The following GAD1 variants were observed in gnomAD, a reference collection of about 807,000 sequenced individuals.
GAD1 encodes glutamate decarboxylase 1.
GAD1 carries 35 observed loss-of-function variants against 75.2 expected under a neutral mutation model. That is an observed-to-expected ratio of 0.47 (90% CI 0.36 to 0.62). The LOEUF is 0.62. Among genes scored for constraint, GAD1 ranks in the 20% least tolerant of loss-of-function variants. The probability of loss-of-function intolerance (pLI) is 0.00; values close to 1 mark genes in which losing one functional copy is unlikely to be tolerated. For missense variants in GAD1, 490 were observed against 758.5 expected (o/e 0.65, Z 4.16); for synonymous variants, 257 against 271.9 (o/e 0.95, Z 0.54).
intron 12 of GAD1, among the ~76,000 whole-genome samples, chr2:170,849,647 G>A (rs1031113831): frequency 6.6e-6 from 1 of 152,164 alleles, no homozygotes; most frequent in Non-Finnish European, 1.5e-5. Context: ...CCAAGAGTTC[G>A]AGACCAGCCT....
chr2:170,818,261 T>C lies in GAD1; in HGVS notation c.-63-268T>C. 1 of 226,820 alleles carries C rather than the reference T, an allele frequency of 4.4e-6. No individual in the cohort carries two copies. The highest frequency in any genetic ancestry group is 8.6e-6 in the Non-Finnish European group (1 of 116,438). The allele number at this position is 226,820 out of a possible 1,614,324, so 14.1% of individuals were successfully genotyped here. ...CCCCGACCCCGCCTCGTCTCGGCGCTTCACTCCAGGTCGCGCCGATGCACC... is the reference window on the plus strand; with the variant it reads ...CCCCGACCCCGCCTCGTCTCGGCGCCTCACTCCAGGTCGCGCCGATGCACC... On this transcript the variant is annotated intron_variant, in intron 1 of 16. Transcript: ENST00000358196. This position sits in a 1 kb window ranked among gnomAD's most constrained non-coding sequence, Gnocchi z 5.9.
chr2:170,828,109 T>TCACCCTCCC (rs1702073273), intron 3 of GAD1, among the ~76,000 whole-genome samples: 1 of 127,592 alleles, frequency 7.8e-6, no homozygotes, highest in Non-Finnish European at 1.6e-5. Flanking sequence ...TCTGCTGTCC[T>TCACCCTCCC]CCCTCTGCTG....
In GAD1 at chr2:170,860,225, A is replaced by C. The variant is rs1702936461; in HGVS notation, c.*343A>C. ...TTCAGCAGTTACCGAGGAGCTAAAC[A>C]TGCTGCCAACCAGCTTGTCCAACAA... On this transcript the variant is annotated 3_prime_UTR_variant, in exon 17 of 17. Coordinates refer to ENST00000358196, the MANE Select transcript of GAD1 (RefSeq NM_000817.3). 1 of 231,654 alleles carries C rather than the reference A, an allele frequency of 4.3e-6. No individual in the cohort carries two copies. Among genetic ancestry groups the C allele is most frequent in the Non-Finnish European group, 8.6e-6 (1 of 115,852 alleles). 14.3% of individuals were successfully genotyped at this position (231,654 alleles called of 1,614,324 possible). A position where few individuals can be genotyped will look rare whatever the true frequency, so the allele number is the denominator to read the frequency against.
At chr2:170,848,643 G>C (rs757943198) in intron 11 of GAD1, 1 of 493,778 alleles carries the variant, frequency 2.0e-6, no homozygotes, top group South Asian at 1.4e-5. Context: ...GTGTGACTGG[G>C]TGTATTTTTT....
chr2:170,849,874 C>T (rs530431591), intron 12 of GAD1, among the ~76,000 whole-genome samples: 1 of 152,364 alleles, frequency 6.6e-6, no homozygotes, highest in South Asian at 2.1e-4. Context: ...TCACTTTCCT[C>T]TTCTTCCTCA....
At position 170,831,634 on chromosome 2, in the gene GAD1, G is replaced by GTGTGTGTGTGTGTGTGTA. The variant is rs1165758709; in HGVS notation, c.547+443_547+444insGTGTGTGTGTGTGTGTAT. 2.1e-3 allele frequency among the ~76,000 whole-genome samples: 283 copies of GTGTGTGTGTGTGTGTGTA among 132,056 alleles called. 3 individuals are homozygous for GTGTGTGTGTGTGTGTGTA. Among genetic ancestry groups the GTGTGTGTGTGTGTGTGTA allele is most frequent in the African/African-American group, 7.6e-3 (261 of 34,118 alleles). 86.6% of individuals were successfully genotyped at this position (132,056 alleles called of 152,430 possible). ...TGTGTGTGTGTGTGTGTGTGTGTGT[G>GTGTGTGTGTGTGTGTGTA]TATATACCTATTTTTATATATAAAT... On this transcript the variant is annotated intron_variant, in intron 5 of 16. Coordinates refer to ENST00000358196, the MANE Select transcript of GAD1 (RefSeq NM_000817.3).
rs985951560 is a variant in GAD1 at position 170,831,692 on chromosome 2, ATAAT to A, written c.547+501_547+504del. On this transcript the variant is annotated intron_variant, in intron 5 of 16. Transcript: ENST00000358196. Reference sequence around the variant, plus strand: ...TATAAATATTTAATATAATAAATAAATAATAATTATAAATAATAAAATTTAAAAA... The same window carrying A: ...TATAAATATTTAATATAATAAATAAAAATTATAAATAATAAAATTTAAAAA... Among the ~76,000 whole-genome samples the A allele has an allele frequency of 1.1e-4, 16 of 141,936 alleles. 1 individual carries two copies. The highest frequency in any genetic ancestry group is 4.3e-4 in the African/African-American group (16 of 37,434). 93.1% of individuals were successfully genotyped at this position (141,936 alleles called of 152,430 possible).
At chr2:170,829,323 A>T (rs1702160559) in intron 3 of GAD1, 152 bp from the exon 4 acceptor site, 8 of 837,882 alleles carry the variant, frequency 9.5e-6, no homozygotes, top group Admixed American at 2.1e-5. Context: ...GAAGGCGAGC[A>T]GTGCCAGAGC....
At chr2:170,846,832 C>A (rs888951371) in intron 10 of GAD1, among the ~76,000 whole-genome samples, 4 of 152,096 alleles carry the variant, frequency 2.6e-5, no homozygotes, top group Non-Finnish European at 5.9e-5. Flanking sequence ...ATAGGGTAAC[C>A]CACATCTCTG....
At chr2:170,817,586 C>G (rs1399695488) in intron 1 of GAD1, 2 of 152,328 alleles carry the variant, frequency 1.3e-5, no homozygotes, top group Admixed American at 6.5e-5. Flanking sequence ...ATCTCTCTGT[C>G]CCGGGGCCTT....
In GAD1 at chr2:170,845,782, A is replaced by C; in HGVS notation, c.944A>C (p.Glu315Ala). 1 of 1,613,932 alleles carries C rather than the reference A, an allele frequency of 6.2e-7. No individual in the cohort carries two copies. Among genetic ancestry groups the C allele is most frequent in the South Asian group, 1.1e-5 (1 of 91,064 alleles). ...TDNVILIKCN[E>A]RGKIIPADFE... is the part of the protein sequence containing the mutation. ...AATGTGATTTTGATAAAGTGCAATG[A>C]AAGGTAGGCAGGGGAGGGTGAATAT... Residue 315 changes from glutamate to alanine, a missense_variant, in exon 9 of 17, where the codon GAA becomes GCA. By Grantham distance (107) the Glu-to-Ala change is moderately radical (BLOSUM62 -1). Transcript: ENST00000358196.
chr2:170,852,884 G>C, intron 13 of GAD1, 92 bp downstream of exon 13: 1 of 1,097,400 alleles, frequency 9.1e-7, no homozygotes, highest in Non-Finnish European at 1.4e-6. Flanking sequence ...GTACTTGTTG[G>C]CTGACTCACG....
At chr2:170,851,560 T>C (rs1306426634) in intron 12 of GAD1, among the ~76,000 whole-genome samples, 1 of 152,046 alleles carries the variant, frequency 6.6e-6, no homozygotes, top group Non-Finnish European at 1.5e-5. Context: ...GATGAAGAGG[T>C]TGAAAGTTCA....
At chr2:170,844,407 C>CTTTTTTTTTTTTTTTTTTTTTTTTTT (rs11327360) in intron 7 of GAD1, among the ~76,000 whole-genome samples, 1 of 124,514 alleles carries the variant, frequency 8.0e-6, no homozygotes, top group Non-Finnish European at 1.7e-5. Flanking sequence ...TTTCTTTTTT[C>CTTTTTTTTTTTTTTTTTTTTTTTTTT]TTTTTTTTTT....
At position 170,859,990 on chromosome 2, in the gene GAD1, C is replaced by G; in HGVS notation, c.*108C>G. 2.0e-6 allele frequency: 2 copies of G among 978,784 alleles called. No homozygotes were observed. The allele number at this position is 978,784 out of a possible 1,614,324, so 60.6% of individuals were successfully genotyped here. On this transcript the variant is annotated 3_prime_UTR_variant, in exon 17 of 17. Transcript: ENST00000358196. ...CACAGGCCATTTCATTGAGGGAAAA[C>G]ATAATATCTTGAAGAATATTGTTAA... is the stretch of plus-strand genomic sequence containing the variant.
intron 3 of GAD1, among the ~76,000 whole-genome samples, chr2:170,828,276 T>TTCCCTCTGCCGTCCTCACCCCTCC (rs879567602): frequency 1.2e-5 from 1 of 81,142 alleles, no homozygotes; most frequent in African/African-American, 4.9e-5. Context: ...ACCCCTCCCC[T>TTCCCTCTGCCGTCCTCACCCCTCC]TCCCTCTGCT....
intron 11 of GAD1, chr2:170,848,659 C>A (rs746984415): frequency 4.2e-6 from 2 of 478,674 alleles, no homozygotes; most frequent in Non-Finnish European, 8.2e-6. Context: ...TTTTTTTTTT[C>A]TTTCTCTCTG....
In GAD1 at chr2:170,860,454, G is replaced by A. The variant is rs1702941162; in HGVS notation, c.*572G>A. On this transcript the variant is annotated 3_prime_UTR_variant, in exon 17 of 17. Coordinates refer to ENST00000358196, the MANE Select transcript of GAD1 (RefSeq NM_000817.3). ...AGAGTCATTGTTACAGGTGTACTAT[G>A]GCTGTATTTTTAGAGATTAATTTGT... is the stretch of plus-strand genomic sequence containing the variant. 1 of 154,828 alleles carries A rather than the reference G, an allele frequency of 6.5e-6. No individual in the cohort carries two copies. Among genetic ancestry groups the A allele is most frequent in the Admixed American group, 6.3e-5 (1 of 15,924 alleles). The allele number at this position is 154,828 out of a possible 1,614,324, so 9.6% of individuals were successfully genotyped here.
chr2:170,824,777 A>C (rs1701984204), intron 3 of GAD1, among the ~76,000 whole-genome samples: 1 of 152,172 alleles, frequency 6.6e-6, no homozygotes, highest in Non-Finnish European at 1.5e-5. Context: ...AGAGTGCTGC[A>C]GGCATGGTGG....
Sources: gnomAD v4.1 joint callset for allele counts (sites outside exome capture counted in the v4.1 genomes callset) on GRCh38, gnomAD v4.1.1 for gene constraint, Gnocchi (gnomAD v3.1) non-coding constraint, MANE v1.5 for transcripts, NCBI Gene and HGNC (gene_info 2026-07-23, HGNC 2026-07-21) for gene names.